Variants in ZNF441 observed in about 807,000 individuals in gnomAD.
The protein encoded by ZNF441 is zinc finger protein 441.
Under a neutral mutation model 64.5 loss-of-function variants are expected in ZNF441, and 25 were observed. That is an observed-to-expected ratio of 0.39 (90% CI 0.28 to 0.54). ZNF441 has a LOEUF of 0.54. Among genes scored for constraint, ZNF441 ranks in the 20% least tolerant of loss-of-function variants. ZNF441 has a pLI of 0.70. For synonymous variants in ZNF441, 262 were observed against 268.0 expected, an observed-to-expected ratio of 0.98 and a Z score of 0.22; for missense variants, 715 against 843.3, an observed-to-expected ratio of 0.85 and a Z score of 1.88.
rs572751948 is a variant in ZNF441, at chr19:11,773,783, G to T, written c.4-3828G>T. Among the ~76,000 whole-genome samples, 3 of 151,970 alleles carry T rather than the reference G, an allele frequency of 2.0e-5. No homozygotes were observed. The South Asian group carries it at 6.2e-4, about 32-fold the overall frequency. On this transcript the variant is annotated intron_variant, in intron 1 of 3. Transcript: ENST00000357901. ...AGTGTTCCATATTTCTTTTGATTAG[G>T]GCTAGAATTGCATATATTTATCCAA...
intron 3 of ZNF441, among the ~76,000 whole-genome samples, chr19:11,779,630 A>G (rs902269727): frequency 5.9e-5 from 9 of 152,242 alleles, no homozygotes; most frequent in Admixed American, 5.2e-4. Flanking sequence ...CTGTGGTCCC[A>G]GCTACTTGGG....
intron 1 of ZNF441, among the ~76,000 whole-genome samples, chr19:11,775,291 A>G (rs1431873492): frequency 3.3e-5 from 5 of 152,214 alleles, no homozygotes; most frequent in African/African-American, 1.2e-4. Flanking sequence ...CATTTCCAGT[A>G]CATGCATTCT....
intron 1 of ZNF441, among the ~76,000 whole-genome samples, chr19:11,772,051 GAT>G (rs1374863942): frequency 6.6e-6 from 1 of 152,222 alleles, no homozygotes; most frequent in African/African-American, 2.4e-5. Flanking sequence ...AAAAGTCTCT[GAT>G]ATGCAGAAAT....
chr19:11,778,153 A>G, intron 2 of ZNF441, 177 bp from the exon 3 acceptor site: 2 of 556,064 alleles, frequency 3.6e-6, no homozygotes, highest in South Asian at 2.7e-5. Flanking sequence ...CTGTCTCAAG[A>G]GTAGCAGAGA....
Position 11,780,702 on chromosome 19 carries a change from G to A in ZNF441, c.878G>A (p.Gly293Glu). Residue 293 changes from glycine to glutamate, a missense_variant, in exon 4 of 4, where the codon GGA (glycine) becomes GAA (glutamate). Physicochemically the swap from Gly to Glu is moderately conservative, Grantham distance 98. Around this residue, in one of 2 missense-constraint regions of ZNF441, gnomAD observed 399 missense variants for 413.9 expected, o/e 0.96. Coordinates refer to ENST00000357901, the MANE Select transcript of ZNF441 (RefSeq NM_152355.3). ...TGTGGGAAAGCATTTTATCATCTTG[G>A]AAGCTTTCAAAGACACATGATAGTG... is the stretch of plus-strand genomic sequence containing the variant. ...KQCGKAFYHL[G>E]SFQRHMIVHT... 1 of 1,613,730 alleles carries A rather than the reference G, an allele frequency of 6.2e-7. No homozygotes were observed. The highest frequency in any genetic ancestry group is 8.5e-7 in the Non-Finnish European group (1 of 1,179,918).
At position 11,777,727 on chromosome 19, in the gene ZNF441, G is replaced by A. The variant is rs773240031; in HGVS notation, c.120G>A (p.Leu40=). The change falls in exon 2 of 4, where the codon CTG becomes CTA. Residue 40 remains leucine, a synonymous_variant. Transcript: ENST00000357901. ...TGATGCAGGAAACCATCAGAAACCT[G>A]GACTGTATAGGTAAGGATGTCATCA... ...RDVMQETIRN[L]DCIGMIWQNH... 1.2e-6 allele frequency: 2 copies of A among 1,611,148 alleles called. No homozygotes were observed. The highest frequency in any genetic ancestry group is 2.7e-5 in the African/African-American group (2 of 74,758).
In ZNF441 at chr19:11,782,134, C is replaced by CAA. The variant is rs1975410092; in HGVS notation, c.*230_*231dup. On this transcript the variant is annotated 3_prime_UTR_variant, in exon 4 of 4. Transcript: ENST00000357901. ...AAACTTTCTTTGTCTAGCAAACTTT[C>CAA]AAAGGTGGTTATTATAACATACTAG... The CAA allele has an allele frequency of 2.5e-6, 1 of 395,110 alleles. No individual in the cohort carries two copies. Among genetic ancestry groups the CAA allele is most frequent in the African/African-American group, 2.0e-5 (1 of 49,126 alleles). The allele number at this position is 395,110 out of a possible 1,614,324, so 24.5% of individuals were successfully genotyped here.
At chr19:11,778,165 T>G in intron 2 of ZNF441, 165 bp from the exon 3 acceptor site, 1 of 575,256 alleles carries the variant, frequency 1.7e-6, no homozygotes, top group Non-Finnish European at 3.1e-6. Flanking sequence ...TAGCAGAGAC[T>G]GAAGAAATTC....
At chr19:11,771,218 C>T (rs1975310869) in intron 1 of ZNF441, among the ~76,000 whole-genome samples, 1 of 152,120 alleles carries the variant, frequency 6.6e-6, no homozygotes, top group East Asian at 1.9e-4. Context: ...ATCTTGTGTA[C>T]ATTAAAGGAC....
chr19:11,778,245 G>T, intron 2 of ZNF441, 85 bp from the exon 3 acceptor site: 1 of 928,100 alleles, frequency 1.1e-6, no homozygotes, highest in Non-Finnish European at 1.7e-6. Context: ...TGTGAATCAT[G>T]CATGATTGTA....
rs560887539 is a variant in ZNF441 at position 11,767,387 on chromosome 19, G to T, written c.3+191G>T. Among the ~76,000 whole-genome samples, 3 of 152,326 alleles carry T rather than the reference G, an allele frequency of 2.0e-5. No homozygotes were observed. The highest frequency in any genetic ancestry group is 7.2e-5 in the African/African-American group (3 of 41,572). Reference sequence around the variant, plus strand: ...CCCGGGCGTCCTGTCCCGTCCCTGCGCGGCCACTGCGGCCCTGGCCCTGGA... The same window carrying T: ...CCCGGGCGTCCTGTCCCGTCCCTGCTCGGCCACTGCGGCCCTGGCCCTGGA... On this transcript the variant is annotated intron_variant, in intron 1 of 3. Coordinates refer to ENST00000357901, the MANE Select transcript of ZNF441 (RefSeq NM_152355.3). This position sits in a 1 kb window ranked among gnomAD's most constrained non-coding sequence, Gnocchi z 5.1.
At chr19:11,768,037 T>C (rs1038112747) in intron 1 of ZNF441, among the ~76,000 whole-genome samples, 1 of 152,080 alleles carries the variant, frequency 6.6e-6, no homozygotes, top group African/African-American at 2.4e-5. Context: ...GGAGTTGTGG[T>C]CTGTGTGGTC....
In ZNF441 at chr19:11,767,245, T is replaced by G; in HGVS notation, c.3+49T>G. 2 of 1,554,098 alleles carry G rather than the reference T, an allele frequency of 1.3e-6. No individual in the cohort carries two copies. Among genetic ancestry groups the G allele is most frequent in the Non-Finnish European group, 8.7e-7 (1 of 1,148,420 alleles). ...CCGACGCGTGAGAGGAGAGACTGGT[T>G]GGAACCGGCCGGAACCGGCTGTGGT... On this transcript the variant is annotated intron_variant, in intron 1 of 3. Transcript: ENST00000357901. The surrounding 1 kb of genome is among the most constrained non-coding windows in gnomAD (Gnocchi z 5.1).
In ZNF441 at chr19:11,772,990, A is replaced by G. The variant is rs1006483666; in HGVS notation, c.4-4621A>G. Among the ~76,000 whole-genome samples, 7 of 152,150 alleles carry G rather than the reference A, an allele frequency of 4.6e-5. No homozygotes were observed. The East Asian group carries it at 1.2e-3, about 25-fold the overall frequency. On this transcript the variant is annotated intron_variant, in intron 1 of 3. Coordinates refer to ENST00000357901, the MANE Select transcript of ZNF441 (RefSeq NM_152355.3). ...GTATTTTTAGTAGAGACAGGGTTTC[A>G]CCTTGTTAACGAGGATAGTCTCAAT...
rs1975412449 is a variant in ZNF441 at position 11,782,513 on chromosome 19, G to A, written c.*607G>A. The A allele has an allele frequency of 6.6e-6, 1 of 152,052 alleles. No individual in the cohort carries two copies. The highest frequency in any genetic ancestry group is 2.4e-5 in the African/African-American group (1 of 41,384). The allele number at this position is 152,052 out of a possible 1,614,324, so 9.4% of individuals were successfully genotyped here. A position where few individuals can be genotyped will look rare whatever the true frequency, so the allele number is the denominator to read the frequency against. ...ATAAGTTGCTTTTGTATTATTTAGG[G>A]AATCATGACAAGAAAAAAGTCTACA... On this transcript the variant is annotated 3_prime_UTR_variant, in exon 4 of 4. Coordinates refer to ENST00000357901, the MANE Select transcript of ZNF441 (RefSeq NM_152355.3).
At chr19:11,770,954 A>G (rs1336668663) in intron 1 of ZNF441, among the ~76,000 whole-genome samples, 1 of 152,020 alleles carries the variant, frequency 6.6e-6, no homozygotes. Context: ...AAAAAATTGA[A>G]TGCAATCTCT....
At position 11,780,307 on chromosome 19, in the gene ZNF441, ACCT is replaced by A. The variant is rs1335623706; in HGVS notation, c.485_487del (p.Pro162del). ...AGCCCTGCTTTCAAATACATGAAAG[ACCT>A]CAGCATGGAAAGAAACTCTATGATT... On this transcript the variant is annotated inframe_deletion, in exon 4 of 4. Transcript: ENST00000357901. 1.2e-6 allele frequency: 2 copies of A among 1,614,100 alleles called. No individual in the cohort carries two copies. Among genetic ancestry groups the A allele is most frequent in the Non-Finnish European group, 1.7e-6 (2 of 1,180,056 alleles).
At chr19:11,771,939 C>G (rs12972905) in intron 1 of ZNF441, among the ~76,000 whole-genome samples, 75,825 of 152,004 alleles carry the variant, frequency 0.5, 20,757 homozygotes, top group African/African-American at 0.75. Flanking sequence ...ATCTCCCTGT[C>G]ATGCTGTGCT....
chr19:11,781,800 A>G lies in ZNF441; in HGVS notation c.1976A>G (p.His659Arg). ...GKPFHCPSAFHKHERTHSMEK... is the reference protein window; with the variant it reads ...GKPFHCPSAFRKHERTHSMEK... ...CCATTCCATTGTCCCAGTGCCTTTC[A>G]TAAACATGAAAGGACCCACAGTATG... Residue 659 changes from histidine (H) to arginine (R), a missense_variant, in exon 4 of 4, where the codon CAT becomes CGT. Physicochemically the swap from His to Arg is conservative, Grantham distance 29. Coordinates refer to ENST00000357901, the MANE Select transcript of ZNF441 (RefSeq NM_152355.3). 1 of 1,614,110 alleles carries G rather than the reference A, an allele frequency of 6.2e-7. No homozygotes were observed. Among genetic ancestry groups the G allele is most frequent in the Non-Finnish European group, 8.5e-7 (1 of 1,179,966 alleles).
Sources: gnomAD v4.1 joint callset for allele counts (sites outside exome capture counted in the v4.1 genomes callset) on GRCh38, gnomAD v4.1.1 for gene constraint, gnomAD v4.1.1 regional missense constraint, Gnocchi (gnomAD v3.1) non-coding constraint, MANE v1.5 for transcripts, NCBI Gene and HGNC (gene_info 2026-07-23, HGNC 2026-07-21) for gene names.